MCM9: variants seen among roughly 807,000 people sequenced by gnomAD.
MCM9 encodes the protein DNA helicase MCM9.
A neutral mutation model predicts 72.8 loss-of-function variants in MCM9; 55 were observed. The ratio of observed to expected loss-of-function variants is 0.76; its 90% CI spans 0.61 to 0.95. The LOEUF is 0.95. MCM9 is among the 40% of genes least tolerant of loss of function. The pLI is 0.00. For synonymous variants in MCM9, 480 were observed against 503.4 expected, an observed-to-expected ratio of 0.95 and a Z score of 0.62; for missense variants, 1,279 against 1,377.0, an observed-to-expected ratio of 0.93 and a Z score of 1.13.
intron 3 of MCM9, among the ~76,000 whole-genome samples, chr6:118,930,606 G>C (rs1782340466): frequency 6.6e-6 from 1 of 152,122 alleles, no homozygotes; most frequent in African/African-American, 2.4e-5. Context: ...GGTTGACAGG[G>C]ACTCTAGAAG....
intron 8 of MCM9, among the ~76,000 whole-genome samples, chr6:118,872,680 C>T (rs957172791): frequency 1.3e-5 from 2 of 151,840 alleles, no homozygotes; most frequent in African/African-American, 4.8e-5. Context: ...AAAACACACA[C>T]ACAACTTATC....
intron 8 of MCM9, chr6:118,911,161 T>A (rs145781894): frequency 1.0e-6 from 1 of 985,370 alleles, no homozygotes. Context: ...AACTTATGAA[T>A]GAAGCTCCAC....
chr6:118,837,569 A>G (rs1018210360), intron 9 of MCM9, among the ~76,000 whole-genome samples: 2 of 152,170 alleles, frequency 1.3e-5, no homozygotes, highest in African/African-American at 4.8e-5. Context: ...GGTTGCATAT[A>G]TATTCAGGAT....
intron 8 of MCM9, 24 bp from the exon 9 acceptor site, chr6:118,856,569 C>A: frequency 4.6e-6 from 7 of 1,534,412 alleles, no homozygotes; most frequent in Non-Finnish European, 4.4e-6. Context: ...CAAGCCATAT[C>A]AACTTTTATT....
chr6:118,896,320 G>C (rs1779408927), intron 8 of MCM9, among the ~76,000 whole-genome samples: 1 of 152,016 alleles, frequency 6.6e-6, no homozygotes, highest in African/African-American at 2.4e-5. Flanking sequence ...CCATTGATCG[G>C]TCCATTCCAA....
At chr6:118,833,245 G>C (rs537936660) in intron 9 of MCM9, among the ~76,000 whole-genome samples, 3 of 152,172 alleles carry the variant, frequency 2.0e-5, no homozygotes, top group Middle Eastern at 3.4e-3. Flanking sequence ...GGAAAAAACT[G>C]ACCAATCTTC....
intron 13 of MCM9, among the ~76,000 whole-genome samples, chr6:118,816,563 G>C (rs1773421733): frequency 6.6e-6 from 1 of 152,124 alleles, no homozygotes. Context: ...TACATTTTTA[G>C]ATCTCTCCAA....
intron 9 of MCM9, among the ~76,000 whole-genome samples, chr6:118,843,740 A>ATATATATAATG (rs1231635728): frequency 1.5e-5 from 2 of 129,034 alleles, no homozygotes; most frequent in African/African-American, 6.2e-5. Context: ...ATATATATAT[A>ATATATATAATG]TGAGAAATTT....
intron 9 of MCM9, among the ~76,000 whole-genome samples, chr6:118,846,995 T>C (rs746652006): frequency 6.6e-6 from 1 of 151,812 alleles, no homozygotes; most frequent in Non-Finnish European, 1.5e-5. Flanking sequence ...CACAGTGCCC[T>C]GACTTGAATA....
rs1478902525 is a variant in MCM9 at position 118,816,160 on chromosome 6, G to A, written c.2096C>T (p.Thr699Ile). 3 of 1,550,480 alleles carry A rather than the reference G, an allele frequency of 1.9e-6. No homozygotes were observed. The highest frequency in any genetic ancestry group is 2.6e-6 in the Non-Finnish European group (3 of 1,146,932). Residue 699 changes from threonine (T) to isoleucine (I), a missense_variant, in exon 14 of 14, where the codon ACA becomes ATA. Physicochemically the swap from Thr to Ile is moderately conservative, Grantham distance 89. Coordinates refer to ENST00000619706, the MANE Select transcript of MCM9 (RefSeq NM_017696.3). ...GCTGCCTCCAGGAGAGAAGATATGT[G>A]TGCTATAGTTGATTTCCTGCTGTGA... ...TSSQQEINYSTHIFSPGGSPE... is the reference protein window; with the variant it reads ...TSSQQEINYSIHIFSPGGSPE...
chr6:118,912,472 C>T (rs1026632890), intron 7 of MCM9: 2 of 152,214 alleles, frequency 1.3e-5, no homozygotes, highest in African/African-American at 2.4e-5. Flanking sequence ...CAAGTTTCTT[C>T]AGCAATTCTC....
At chr6:118,911,323 C>G (rs1057252953) in intron 8 of MCM9, 1 of 1,041,342 alleles carries the variant, frequency 9.6e-7, no homozygotes, top group African/African-American at 1.7e-5. Flanking sequence ...GAAATATCCC[C>G]CTCTTTAGTT....
At chr6:118,828,902 C>G in intron 10 of MCM9, 146 bp downstream of exon 10, 1 of 815,302 alleles carries the variant, frequency 1.2e-6, no homozygotes. Flanking sequence ...AGTGGCTCCT[C>G]TCACTGCTTT....
chr6:118,839,528 T>C (rs188696023), intron 9 of MCM9, among the ~76,000 whole-genome samples: 62 of 152,256 alleles, frequency 4.1e-4, no homozygotes, highest in Non-Finnish European at 6.6e-4. Context: ...ATGTTCAGCC[T>C]TTTTGTGTTG....
intron 9 of MCM9, among the ~76,000 whole-genome samples, chr6:118,839,895 G>A (rs908097365): frequency 1.1e-4 from 16 of 152,158 alleles, no homozygotes; most frequent in Non-Finnish European, 2.2e-4. Flanking sequence ...CAGGAGGCAC[G>A]GGAGTCAGGG....
At position 118,843,718 on chromosome 6, in the gene MCM9, A is replaced by G. The variant is rs372750702; in HGVS notation, c.1325+12653T>C. ...TATATATATATGTATGTATATATAT[A>G]TGTATATATATATATATATATATGA... On this transcript the variant is annotated intron_variant, in intron 9 of 13. Coordinates refer to ENST00000619706, the MANE Select transcript of MCM9 (RefSeq NM_017696.3). Among the ~76,000 whole-genome samples, 27 of 75,020 alleles carry G rather than the reference A, an allele frequency of 3.6e-4. No homozygotes were observed. The East Asian group carries it at 5.6e-3, about 15-fold the overall frequency. The allele number at this position is 75,020 out of a possible 152,430, so 49.2% of individuals were successfully genotyped here.
At chr6:118,905,658 G>A in intron 8 of MCM9, 1 of 1,606,094 alleles carries the variant, frequency 6.2e-7, no homozygotes. Flanking sequence ...CTAGGCTGAT[G>A]CACCTAATCC....
intron 8 of MCM9, among the ~76,000 whole-genome samples, chr6:118,857,333 C>A (rs1776624398): frequency 6.6e-6 from 1 of 152,032 alleles, no homozygotes. Context: ...TTTTATTTGT[C>A]CTGTATACCA....
intron 8 of MCM9, among the ~76,000 whole-genome samples, chr6:118,862,097 C>T (rs975550716): frequency 1.1e-4 from 17 of 152,338 alleles, no homozygotes; most frequent in African/African-American, 4.1e-4. Flanking sequence ...TTCAACTTTG[C>T]TCTGAAATTG....
Sources: allele counts gnomAD v4.1 joint callset (sites outside exome capture counted in the v4.1 genomes callset), GRCh38; gene constraint gnomAD v4.1.1; transcripts MANE v1.5; gene names NCBI Gene and HGNC (gene_info 2026-07-23, HGNC 2026-07-21).